The following CELF2 variants were observed in gnomAD, a reference collection of about 807,000 sequenced individuals.
CELF2 encodes the protein CUGBP Elav-like family member 2.
Under a neutral mutation model 62.6 loss-of-function variants are expected in CELF2, and 8 were observed. That is an observed-to-expected ratio of 0.13 (90% CI 0.07 to 0.23). CELF2 has a LOEUF of 0.23. Ranked by LOEUF, CELF2 falls within the 10% of genes least tolerant of loss-of-function variation. The pLI, the probability that CELF2 is intolerant of heterozygous loss-of-function variation, is 1.00. For missense variants in CELF2, 333 were observed against 671.0 expected (o/e 0.50, Z 5.56); for synonymous variants, 258 against 250.0 (o/e 1.03, Z -0.30).
intron 1 of CELF2, among the ~76,000 whole-genome samples, chr10:10,831,077 G>A (rs1327167500): frequency 1.3e-5 from 2 of 152,190 alleles, no homozygotes; most frequent in Admixed American, 6.5e-5. Flanking sequence ...CTGGAAATGG[G>A]CAATGGTGGA....
intron 1 of CELF2, among the ~76,000 whole-genome samples, chr10:10,830,067 C>A (rs770543200): frequency 6.6e-6 from 1 of 151,836 alleles, no homozygotes; most frequent in Non-Finnish European, 1.5e-5. Context: ...TGAGTGTATC[C>A]GTGTAGAAAA....
chr10:10,598,491 C>T, the CELF2 span, among the ~76,000 whole-genome samples: 17 of 152,272 alleles, frequency 1.1e-4, no homozygotes, highest in Non-Finnish European at 1.6e-4. Flanking sequence ...TGCAACGGAG[C>T]GTGGCAAAGT....
intron 3 of CELF2, among the ~76,000 whole-genome samples, chr10:11,235,246 A>G (rs1317895151): frequency 1.3e-5 from 2 of 152,336 alleles, no homozygotes; most frequent in East Asian, 3.9e-4. Context: ...GAAATTATGA[A>G]AGTAGAAGCT....
chr10:11,297,851 C>A lies in CELF2; in HGVS notation c.976+9299C>A, dbSNP rs1351101656. On this transcript the variant is annotated intron_variant, in intron 9 of 12. Coordinates refer to ENST00000633077, the MANE Select transcript of CELF2 (RefSeq NM_001326342.2). The surrounding 1 kb of genome is among the most constrained non-coding windows in gnomAD (Gnocchi z 4.4). ...CAAAAATTAGCCGGGTATGGTGGTGCACACCTGTGGTTCCCAGCTACTCGG... is the reference window on the plus strand; with the variant it reads ...CAAAAATTAGCCGGGTATGGTGGTGAACACCTGTGGTTCCCAGCTACTCGG... Among the ~76,000 whole-genome samples, 2 of 151,872 alleles carry A rather than the reference C, an allele frequency of 1.3e-5. No homozygotes were observed. The highest frequency in any genetic ancestry group is 4.8e-5 in the African/African-American group (2 of 41,352).
At chr10:10,941,077 G>A (rs2046997152) in intron 2 of CELF2, among the ~76,000 whole-genome samples, 1 of 152,142 alleles carries the variant, frequency 6.6e-6, no homozygotes, top group Non-Finnish European at 1.5e-5. Context: ...GGAAAAGGGG[G>A]CTCACAGAAA....
At chr10:11,213,866 T>C (rs2062579506) in intron 2 of CELF2, among the ~76,000 whole-genome samples, 1 of 152,250 alleles carries the variant, frequency 6.6e-6, no homozygotes, top group African/African-American at 2.4e-5. Flanking sequence ...TAAGACTTCC[T>C]TTAGTCTAAT....
intron 1 of CELF2, among the ~76,000 whole-genome samples, chr10:10,868,087 G>T (rs1193976274): frequency 6.6e-6 from 1 of 152,162 alleles, no homozygotes; most frequent in Non-Finnish European, 1.5e-5. Context: ...TCCTAGATCA[G>T]TGTTTTGGTA....
At chr10:10,622,001 G>A in the CELF2 span, among the ~76,000 whole-genome samples, 1 of 152,178 alleles carries the variant, frequency 6.6e-6, no homozygotes, top group Non-Finnish European at 1.5e-5. Context: ...TATTTGGATT[G>A]GCAAGATGAA....
the CELF2 span, among the ~76,000 whole-genome samples, chr10:10,591,790 A>G: frequency 6.6e-6 from 1 of 152,352 alleles, no homozygotes; most frequent in African/African-American, 2.4e-5. Context: ...TGTCACCAGT[A>G]GCTCTGCTGT....
chr10:11,332,427 T>G lies in CELF2; in HGVS notation c.*3374T>G, dbSNP rs768701237. On this transcript the variant is annotated 3_prime_UTR_variant, in exon 13 of 13. Coordinates refer to ENST00000633077, the MANE Select transcript of CELF2 (RefSeq NM_001326342.2). ...AGAAGCCCATAGCCCTTTCCCAGCC[T>G]TTTTGGTTTTTTTAATTGAACACAT... 3 of 152,516 alleles carry G rather than the reference T, an allele frequency of 2.0e-5. No homozygotes were observed. The highest frequency in any genetic ancestry group is 7.2e-5 in the African/African-American group (3 of 41,434). The allele number at this position is 152,516 out of a possible 1,614,324, so 9.4% of individuals were successfully genotyped here. A position where few individuals can be genotyped will look rare whatever the true frequency, so the allele number is the denominator to read the frequency against.
chr10:11,040,625 T>C (rs901299314), intron 1 of CELF2, among the ~76,000 whole-genome samples: 14 of 152,154 alleles, frequency 9.2e-5, no homozygotes, highest in African/African-American at 3.1e-4. Flanking sequence ...CAAATGCTTT[T>C]AAATGCCTGC....
At chr10:10,696,758 T>C in the CELF2 span, among the ~76,000 whole-genome samples, 43,114 of 151,750 alleles carry the variant, frequency 0.28, 6,327 homozygotes, top group South Asian at 0.47. Context: ...TGGGAGTGAC[T>C]CGATTTTCCA....
the CELF2 span, among the ~76,000 whole-genome samples, chr10:10,587,963 C>T: frequency 6.6e-6 from 1 of 151,984 alleles, no homozygotes; most frequent in African/African-American, 2.4e-5. Context: ...GTTAACTGCT[C>T]CCCCTCCGCC....
At chr10:11,073,006 A>G (rs2070636015) in intron 1 of CELF2, among the ~76,000 whole-genome samples, 1 of 152,006 alleles carries the variant, frequency 6.6e-6, no homozygotes, top group Non-Finnish European at 1.5e-5. Context: ...TACACAAATC[A>G]CACTCTTATT....
At chr10:11,037,739 C>T (rs2139281495) in intron 1 of CELF2, among the ~76,000 whole-genome samples, 1 of 152,278 alleles carries the variant, frequency 6.6e-6, no homozygotes, top group Non-Finnish European at 1.5e-5. Flanking sequence ...CGTGGCCTAG[C>T]TTGGGCTGTT....
chr10:10,729,085 G>A, the CELF2 span, among the ~76,000 whole-genome samples: 692 of 152,276 alleles, frequency 4.5e-3, 4 homozygotes, highest in African/African-American at 0.015. Flanking sequence ...AAATATCAAT[G>A]ACAGATGTAG....
At chr10:11,129,316 C>T (rs1185427130) in intron 1 of CELF2, among the ~76,000 whole-genome samples, 1 of 152,246 alleles carries the variant, frequency 6.6e-6, no homozygotes, top group East Asian at 1.9e-4. Flanking sequence ...CGATGTTCAT[C>T]GGGGATATTG....
At position 11,275,024 on chromosome 10, in the gene CELF2, G is replaced by T; in HGVS notation, c.778-33G>T. On this transcript the variant is annotated intron_variant, in intron 7 of 12. Coordinates refer to ENST00000633077, the MANE Select transcript of CELF2 (RefSeq NM_001326342.2). ...ATGAGGGAGTTACTTTGCTCTCACC[G>T]TCTCCACTTTGCCCTTGTGTGTTCA... 3.1e-6 allele frequency: 5 copies of T among 1,607,154 alleles called. No individual in the cohort carries two copies. The South Asian group carries it at 5.5e-5, about 18-fold the overall frequency.
intron 1 of CELF2, among the ~76,000 whole-genome samples, chr10:10,906,344 G>C (rs182187672): frequency 6.6e-6 from 1 of 152,110 alleles, no homozygotes; most frequent in Non-Finnish European, 1.5e-5. Flanking sequence ...TTGCTGATGC[G>C]GTGTGTTCAT....
Sources: gnomAD v4.1 joint callset for allele counts (sites outside exome capture counted in the v4.1 genomes callset) on GRCh38, gnomAD v4.1.1 for gene constraint, Gnocchi (gnomAD v3.1) non-coding constraint, MANE v1.5 for transcripts, NCBI Gene and HGNC (gene_info 2026-07-23, HGNC 2026-07-21) for gene names.